The following CHST9 variants were observed in gnomAD, a reference collection of about 807,000 sequenced individuals.
The protein encoded by CHST9 is GalNAc-4-sulfotransferase 2.
In CHST9, 41 loss-of-function variants were observed where a neutral mutation model predicts 44.4. That is an observed-to-expected ratio of 0.92 (90% CI 0.72 to 1.20). The LOEUF is 1.20. CHST9 is among the 50% of genes most tolerant of loss of function. CHST9 has a pLI of 0.00. For synonymous variants in CHST9, 171 were observed against 178.4 expected (o/e 0.96, Z 0.33); for missense variants, 504 against 516.5 (o/e 0.98, Z 0.23).
intron 4 of CHST9, among the ~76,000 whole-genome samples, chr18:26,975,038 T>C (rs1287553545): frequency 6.6e-6 from 1 of 152,206 alleles, no homozygotes; most frequent in African/African-American, 2.4e-5. Flanking sequence ...GGCACCTTGC[T>C]CCAGGCCAGA....
At chr18:27,152,159 C>T (rs538619374) in intron 1 of CHST9, among the ~76,000 whole-genome samples, 71 of 152,262 alleles carry the variant, frequency 4.7e-4, no homozygotes, top group Admixed American at 2.4e-3. Context: ...CTTCCTTATA[C>T]ATCTTGTTGC....
intron 2 of CHST9, among the ~76,000 whole-genome samples, chr18:27,056,445 G>T (rs913773099): frequency 3.5e-4 from 54 of 152,130 alleles, no homozygotes; most frequent in Non-Finnish European, 2.4e-4. Flanking sequence ...AAAACTTTGA[G>T]TTGTAGCTCT....
At chr18:27,101,312 C>G (rs1205640851) in intron 2 of CHST9, among the ~76,000 whole-genome samples, 1 of 152,054 alleles carries the variant, frequency 6.6e-6, no homozygotes, top group Non-Finnish European at 1.5e-5. Flanking sequence ...ACATCTCAGG[C>G]CGGGCTCGGT....
At chr18:27,171,262 TA>T (rs1330869827) in intron 1 of CHST9, among the ~76,000 whole-genome samples, 3 of 152,092 alleles carry the variant, frequency 2.0e-5, no homozygotes, top group Non-Finnish European at 4.4e-5. Context: ...GCTTATGAAC[TA>T]GAGGCGCAGG....
intron 2 of CHST9, among the ~76,000 whole-genome samples, chr18:27,087,101 C>A (rs1383429878): frequency 2.0e-5 from 3 of 152,092 alleles, no homozygotes; most frequent in African/African-American, 7.2e-5. Flanking sequence ...CCTATGTTTT[C>A]TACTGTATGA....
chr18:27,158,043 C>T (rs1160539685), intron 1 of CHST9, among the ~76,000 whole-genome samples: 1 of 151,936 alleles, frequency 6.6e-6, no homozygotes, highest in African/African-American at 2.4e-5. Context: ...AATACAGTTA[C>T]AAAATATAGA....
rs960201921 is a variant in CHST9, at chr18:26,910,733, G to A, written c.*5526C>T. ...TCTCAGCTTTGGAGCCAGAGAGACT[G>A]TTATTAAACCTCTTTGATACTCAGT... On this transcript the variant is annotated 3_prime_UTR_variant, in exon 6 of 6. Coordinates refer to ENST00000618847, the MANE Select transcript of CHST9 (RefSeq NM_031422.6). The A allele has an allele frequency of 2.0e-5, 3 of 152,166 alleles. No homozygotes were observed. Among genetic ancestry groups the A allele is most frequent in the African/African-American group, 4.8e-5 (2 of 41,440 alleles). 9.4% of individuals were successfully genotyped at this position (152,166 alleles called of 1,614,324 possible).
At chr18:27,049,937 C>T (rs146475283) in intron 2 of CHST9, among the ~76,000 whole-genome samples, 117 of 152,212 alleles carry the variant, frequency 7.7e-4, no homozygotes, top group African/African-American at 2.8e-3. Flanking sequence ...TGTAGGCCCA[C>T]GGGAAGTCAG....
chr18:27,155,587 T>C (rs894793123), intron 1 of CHST9, among the ~76,000 whole-genome samples: 3 of 152,146 alleles, frequency 2.0e-5, no homozygotes, highest in Non-Finnish European at 4.4e-5. Flanking sequence ...ACAAATCTGT[T>C]CTCTCCTTTA....
chr18:27,089,098 G>T (rs1191051041), intron 2 of CHST9, among the ~76,000 whole-genome samples: 1 of 152,100 alleles, frequency 6.6e-6, no homozygotes, highest in Non-Finnish European at 1.5e-5. Flanking sequence ...CCATGTAATT[G>T]TTAATGAAGC....
chr18:26,974,537 C>G (rs2056592945), intron 4 of CHST9, among the ~76,000 whole-genome samples: 1 of 152,194 alleles, frequency 6.6e-6, no homozygotes. Flanking sequence ...AATTTTGTTT[C>G]CAATTTAAAA....
intron 4 of CHST9, among the ~76,000 whole-genome samples, chr18:26,983,986 C>A (rs971356670): frequency 1.3e-5 from 2 of 152,178 alleles, no homozygotes; most frequent in Admixed American, 1.3e-4. Context: ...CTCCCACATT[C>A]CCAGTGGTTT....
intron 2 of CHST9, among the ~76,000 whole-genome samples, chr18:27,065,443 AT>A (rs1204889045): frequency 1.3e-5 from 2 of 152,218 alleles, no homozygotes; most frequent in Non-Finnish European, 2.9e-5. Flanking sequence ...CAGAAAAAAA[AT>A]AATTCTTTAG....
rs2056206348 is a variant in CHST9 at position 26,949,065 on chromosome 18, A to G, written c.203-4699T>C. On this transcript the variant is annotated intron_variant, in intron 4 of 5. Coordinates refer to ENST00000618847, the MANE Select transcript of CHST9 (RefSeq NM_031422.6). ...TCTTTCAGATGAGGATGAGGTGGCC[A>G]AAGCAGTTCTTGAGAAAGATGAATT... Among the ~76,000 whole-genome samples, 4 of 152,148 alleles carry G rather than the reference A, an allele frequency of 2.6e-5. No homozygotes were observed. The South Asian group carries it at 8.3e-4, about 32-fold the overall frequency.
intron 2 of CHST9, among the ~76,000 whole-genome samples, chr18:27,117,106 A>G (rs11665144): frequency 0.011 from 1,566 of 139,012 alleles, 12 homozygotes; most frequent in Middle Eastern, 0.042. Context: ...CCCTAAAATG[A>G]CTGAAAAATA....
At chr18:27,078,134 G>A (rs1427566867) in intron 2 of CHST9, among the ~76,000 whole-genome samples, 1 of 152,132 alleles carries the variant, frequency 6.6e-6, no homozygotes, top group Non-Finnish European at 1.5e-5. Context: ...TTTGGGTGGG[G>A]ACACAGAATC....
intron 4 of CHST9, among the ~76,000 whole-genome samples, chr18:27,009,191 C>T (rs2057053756): frequency 6.6e-6 from 1 of 152,044 alleles, no homozygotes. Flanking sequence ...TGAAAAGGAT[C>T]GTAGAGACAG....
intron 2 of CHST9, among the ~76,000 whole-genome samples, chr18:27,134,855 AT>A (rs1475550771): frequency 1.3e-5 from 2 of 152,170 alleles, no homozygotes; most frequent in Admixed American, 6.5e-5. Context: ...AGGAAAAAAA[AT>A]CTAACTAGAA....
At chr18:26,988,486 C>T (rs1000396975) in intron 4 of CHST9, among the ~76,000 whole-genome samples, 2 of 152,080 alleles carry the variant, frequency 1.3e-5, no homozygotes, top group Admixed American at 6.5e-5. Flanking sequence ...GACAATAAGT[C>T]ACAAGGACAA....
Sources: gnomAD v4.1 joint callset for allele counts (sites outside exome capture counted in the v4.1 genomes callset) on GRCh38, gnomAD v4.1.1 for gene constraint, MANE v1.5 for transcripts, NCBI Gene and HGNC (gene_info 2026-07-23, HGNC 2026-07-21) for gene names.